Variants in PROCR observed in about 807,000 individuals in gnomAD.
The protein encoded by PROCR is endothelial protein C receptor.
Under a neutral mutation model 24.2 loss-of-function variants are expected in PROCR, and 22 were observed. That is an observed-to-expected ratio of 0.91 (90% CI 0.65 to 1.30). The LOEUF is 1.30. PROCR is among the 50% of genes most tolerant of loss of function. PROCR has a pLI of 0.00. For synonymous variants in PROCR, 137 were observed against 139.2 expected (o/e 0.98, Z 0.11); for missense variants, 288 against 307.7 (o/e 0.94, Z 0.48).
chr20:35,193,227 G>A, intron 1 of PROCR, among the ~76,000 whole-genome samples: 1 of 151,270 alleles, frequency 6.6e-6, no homozygotes, highest in Middle Eastern at 3.4e-3. Flanking sequence ...CCAGGCTGGA[G>A]TGTAGTGGCG....
At chr20:35,213,873 G>A (rs1165368197) in intron 1 of PROCR, among the ~76,000 whole-genome samples, 3 of 151,856 alleles carry the variant, frequency 2.0e-5, no homozygotes, top group Non-Finnish European at 4.4e-5. Context: ...CCAGGAGTTC[G>A]AGACCAGCCT....
chr20:35,214,482 C>T (rs975493893), intron 1 of PROCR, among the ~76,000 whole-genome samples: 2 of 151,930 alleles, frequency 1.3e-5, no homozygotes, highest in East Asian at 1.9e-4. Flanking sequence ...GTCAGGAGAT[C>T]GAGACCATCC....
chr20:35,195,820 CA>C (rs58205912), intron 1 of PROCR, among the ~76,000 whole-genome samples: 29,958 of 77,220 alleles, frequency 0.39, 3,531 homozygotes, highest in African/African-American at 0.56. Flanking sequence ...GAGTCTGTCT[CA>C]AAAAAAAAAA....
rs371206606 is a variant in PROCR, at chr20:35,200,408, C to T, written c.95-15485C>T. Among the ~76,000 whole-genome samples, 10 of 152,188 alleles carry T rather than the reference C, an allele frequency of 6.6e-5. No homozygotes were observed. In the East Asian group the frequency reaches 1.5e-3, roughly 24 times the overall value. ...CACTCCAATCTTCAGCAACCACCAC[C>T]CTTATTAGTCAGTAATCATGAACAC... On this transcript the variant is annotated intron_variant, in intron 1 of 1. Transcript: ENST00000634509.
chr20:35,214,911 T>TC (rs1398985967), intron 1 of PROCR, among the ~76,000 whole-genome samples: 3 of 141,662 alleles, frequency 2.1e-5, no homozygotes, highest in African/African-American at 8.4e-5. Flanking sequence ...CTTTTTCTTT[T>TC]TTTTTTTTTT....
chr20:35,177,304 T>G lies in PROCR; in HGVS notation c.*491T>G, dbSNP rs975475414. ...GTGGAAATGTAAAATCCAAGTCATATGGCAGTGATCAATTATTAATCAATT... is the reference window on the plus strand; with the variant it reads ...GTGGAAATGTAAAATCCAAGTCATAGGGCAGTGATCAATTATTAATCAATT... On this transcript the variant is annotated 3_prime_UTR_variant, in exon 4 of 4. Coordinates refer to ENST00000216968, the MANE Select transcript of PROCR (RefSeq NM_006404.5). 21 of 994,728 alleles carry G rather than the reference T, an allele frequency of 2.1e-5. No individual in the cohort carries two copies. The highest frequency in any genetic ancestry group is 2.4e-5 in the Non-Finnish European group (20 of 834,632). The allele number at this position is 994,728 out of a possible 1,614,324, so 61.6% of individuals were successfully genotyped here. A position where few individuals can be genotyped will look rare whatever the true frequency, so the allele number is the denominator to read the frequency against.
chr20:35,199,518 A>T (rs111577018), intron 1 of PROCR, among the ~76,000 whole-genome samples: 12,060 of 152,160 alleles, frequency 0.079, 1,621 homozygotes, highest in African/African-American at 0.28. Context: ...TGAGAGGCCG[A>T]GGTGGGCGGA....
downstream of PROCR, among the ~76,000 whole-genome samples, chr20:35,180,973 TCTC>T (rs2086073098): frequency 6.6e-6 from 1 of 152,064 alleles, no homozygotes; most frequent in African/African-American, 2.4e-5. Flanking sequence ...TTCAAGCAAT[TCTC>T]CTGCCTCAAC....
chr20:35,207,341 G>A (rs1253145734), intron 1 of PROCR, among the ~76,000 whole-genome samples: 4 of 151,214 alleles, frequency 2.6e-5, no homozygotes, highest in Non-Finnish European at 4.4e-5. Flanking sequence ...TTTACTGAAT[G>A]TAAATTACAA....
chr20:35,178,968 A>C (rs1187450616), downstream of PROCR, among the ~76,000 whole-genome samples: 1 of 150,472 alleles, frequency 6.6e-6, no homozygotes, highest in Non-Finnish European at 1.5e-5. Flanking sequence ...ACGGTGGCTC[A>C]TGCCTGTAAT....
chr20:35,175,201 G>A (rs2085999432), intron 2 of PROCR, among the ~76,000 whole-genome samples: 1 of 151,972 alleles, frequency 6.6e-6, no homozygotes, highest in Non-Finnish European at 1.5e-5. Flanking sequence ...GATAGACCCT[G>A]TTGGAAGGCC....
At chr20:35,198,562 A>G (rs1275284497) in intron 1 of PROCR, among the ~76,000 whole-genome samples, 1 of 152,186 alleles carries the variant, frequency 6.6e-6, no homozygotes, top group Admixed American at 6.5e-5. Flanking sequence ...TCCAGAACAT[A>G]AAAGTACAAG....
intron 2 of PROCR, 120 bp from the exon 3 acceptor site, chr20:35,176,048 A>T: frequency 5.2e-6 from 6 of 1,145,690 alleles, no homozygotes; most frequent in Non-Finnish European, 7.8e-6. Flanking sequence ...CCTGACCTAG[A>T]CTCCCCTCTC....
chr20:35,211,128 T>G (rs1461723868), intron 1 of PROCR, among the ~76,000 whole-genome samples: 1 of 152,166 alleles, frequency 6.6e-6, no homozygotes, highest in Non-Finnish European at 1.5e-5. Context: ...GGAAATGAAT[T>G]TCCTTAAATA....
intron 1 of PROCR, among the ~76,000 whole-genome samples, chr20:35,206,527 C>T (rs979750351): frequency 9.8e-4 from 99 of 101,344 alleles, no homozygotes; most frequent in Non-Finnish European, 1.8e-3. Context: ...AGAAAACAAA[C>T]AATTTTTTAA....
At chr20:35,191,705 A>C (rs2086175150) in intron 1 of PROCR, among the ~76,000 whole-genome samples, 1 of 152,204 alleles carries the variant, frequency 6.6e-6, no homozygotes. Context: ...TTTCATGAAC[A>C]AGGAGGCCAG....
chr20:35,206,473 T>TAAA (rs1191849650), intron 1 of PROCR, among the ~76,000 whole-genome samples: 1 of 25,192 alleles, frequency 4.0e-5, no homozygotes, highest in African/African-American at 1.8e-4. Context: ...AGACTCTATC[T>TAAA]CAAAAAAAAA....
intron 1 of PROCR, chr20:35,195,281 G>GA (rs951831483): frequency 6.6e-6 from 1 of 152,058 alleles, no homozygotes; most frequent in African/African-American, 2.4e-5. Context: ...AGATCATAGA[G>GA]AAAAAAATAT....
chr20:35,196,180 CAAAAAAAAAAAAA>C (rs68132775), intron 1 of PROCR, among the ~76,000 whole-genome samples: 5 of 63,476 alleles, frequency 7.9e-5, no homozygotes, highest in East Asian at 4.7e-4. Context: ...AGACTGCCTC[CAAAAAAAAAAAAA>C]AAAAAAAAAA....
Sources: gnomAD v4.1 joint callset for allele counts (sites outside exome capture counted in the v4.1 genomes callset) on GRCh38, gnomAD v4.1.1 for gene constraint, MANE v1.5 for transcripts, NCBI Gene and HGNC (gene_info 2026-07-23, HGNC 2026-07-21) for gene names.